The following ST3GAL3 variants were observed in gnomAD, a reference collection of about 807,000 sequenced individuals.
ST3GAL3 encodes the protein ST3 beta-galactoside alpha-2,3-sialyltransferase 3, also known as CMP-N-acetylneuraminate-beta-1,4-galactoside alpha-2,3-sialyltransferase.
In ST3GAL3, 21 loss-of-function variants were observed where a neutral mutation model predicts 50.1. That is an observed-to-expected ratio of 0.42 (90% CI 0.30 to 0.60). ST3GAL3 has a LOEUF of 0.60. ST3GAL3 is among the 20% of genes least tolerant of loss of function. The probability of loss-of-function intolerance (pLI) is 0.19; values close to 1 mark genes in which losing one functional copy is unlikely to be tolerated. For synonymous variants in ST3GAL3, 183 were observed against 190.0 expected, an observed-to-expected ratio of 0.96 and a Z score of 0.30; for missense variants, 353 against 489.4, an observed-to-expected ratio of 0.72 and a Z score of 2.63.
chr1:43,908,889 C>T (rs1281425937), intron 9 of ST3GAL3, among the ~76,000 whole-genome samples: 2 of 152,192 alleles, frequency 1.3e-5, no homozygotes, highest in African/African-American at 4.8e-5. Context: ...GCCTCAGCCT[C>T]CCAAAGTGCT....
At chr1:43,897,647 G>C (rs920616670) in intron 6 of ST3GAL3, among the ~76,000 whole-genome samples, 3 of 152,184 alleles carry the variant, frequency 2.0e-5, no homozygotes, top group Non-Finnish European at 4.4e-5. Flanking sequence ...GCAGAGCCAG[G>C]CTCAGGGAGT....
intron 1 of ST3GAL3, among the ~76,000 whole-genome samples, chr1:43,725,484 C>T (rs916112166): frequency 6.6e-6 from 1 of 152,032 alleles, no homozygotes; most frequent in Non-Finnish European, 1.5e-5. Flanking sequence ...CAGCATGAGC[C>T]GCTGCGCCTG....
At chr1:43,765,895 T>C (rs1339285204) in intron 2 of ST3GAL3, among the ~76,000 whole-genome samples, 2 of 150,416 alleles carry the variant, frequency 1.3e-5, no homozygotes, top group Non-Finnish European at 3.0e-5. Context: ...AAGCTCCTCT[T>C]TCCCTCAGCC....
rs116799825 is a variant in ST3GAL3 at position 43,853,846 on chromosome 1, C to T, written c.302+15535C>T. ...TGCAGAGCTCTCTGAGGCAGGAAGT[C>T]TAGAGAGTTAACACACAGTCCCAGC... On this transcript the variant is annotated intron_variant, in intron 5 of 11. Coordinates refer to ENST00000347631, the MANE Select transcript of ST3GAL3 (RefSeq NM_006279.5). 8.7e-3 allele frequency among the ~76,000 whole-genome samples: 1,318 copies of T among 152,232 alleles called. 27 individuals are homozygous for T. The highest frequency in any genetic ancestry group is 0.031 in the African/African-American group (1,287 of 41,534).
intron 9 of ST3GAL3, among the ~76,000 whole-genome samples, chr1:43,908,449 A>G (rs542857194): frequency 2.6e-5 from 4 of 152,104 alleles, no homozygotes; most frequent in Non-Finnish European, 5.9e-5. Context: ...TGGGGGCCTC[A>G]CCTTAGAGCT....
rs2084874993 is a variant in ST3GAL3, at chr1:43,930,471, A to G, written c.*250A>G. On this transcript the variant is annotated 3_prime_UTR_variant, in exon 12 of 12. Transcript: ENST00000347631. The stretch of plus-strand genomic sequence containing the variant: ...CCTGGCTGTGCCCAGCAGGCCCAGC[A>G]TGCAGGTGGTGGGACACTGGGCAGC... 5 of 584,400 alleles carry G rather than the reference A, an allele frequency of 8.6e-6. No homozygotes were observed. Among genetic ancestry groups the G allele is most frequent in the Non-Finnish European group, 1.5e-5 (5 of 326,128 alleles). The allele number at this position is 584,400 out of a possible 1,614,324, so 36.2% of individuals were successfully genotyped here. A position where few individuals can be genotyped will look rare whatever the true frequency, so the allele number is the denominator to read the frequency against.
At chr1:43,748,908 A>T (rs1684952345) in intron 2 of ST3GAL3, among the ~76,000 whole-genome samples, 1 of 152,224 alleles carries the variant, frequency 6.6e-6, no homozygotes. Flanking sequence ...TCTAAAATTT[A>T]TATGAAAACA....
At chr1:43,741,472 T>A (rs1197023055) in intron 2 of ST3GAL3, among the ~76,000 whole-genome samples, 1 of 152,236 alleles carries the variant, frequency 6.6e-6, no homozygotes, top group East Asian at 1.9e-4. Flanking sequence ...AAAGTACACA[T>A]TGTTGATCTG....
chr1:43,879,318 CT>C (rs749241072), intron 5 of ST3GAL3: 3 of 455,622 alleles, frequency 6.6e-6, no homozygotes, highest in Non-Finnish European at 1.3e-5. Flanking sequence ...TGTGGTTTGG[CT>C]TTTTTTTGGA....
chr1:43,801,229 AT>A, intron 3 of ST3GAL3: 1 of 455,656 alleles, frequency 2.2e-6, no homozygotes, highest in Non-Finnish European at 4.4e-6. Context: ...CATGGGCAAT[AT>A]TTGTGGTTGT....
intron 3 of ST3GAL3, among the ~76,000 whole-genome samples, chr1:43,802,309 G>C (rs576045663): frequency 6.6e-6 from 1 of 152,136 alleles, no homozygotes; most frequent in Non-Finnish European, 1.5e-5. Flanking sequence ...GATGTTTACA[G>C]CAGTTGAAAT....
At chr1:43,893,472 T>C (rs1379828868) in intron 5 of ST3GAL3, among the ~76,000 whole-genome samples, 2 of 152,218 alleles carry the variant, frequency 1.3e-5, no homozygotes, top group African/African-American at 4.8e-5. Context: ...CCATGTGAAG[T>C]TGTGCTCTCC....
At chr1:43,889,358 G>C (rs938473619) in intron 5 of ST3GAL3, among the ~76,000 whole-genome samples, 9 of 152,144 alleles carry the variant, frequency 5.9e-5, no homozygotes, top group African/African-American at 2.2e-4. Flanking sequence ...TATTTTGTTT[G>C]TGAATTTAAT....
intron 1 of ST3GAL3, among the ~76,000 whole-genome samples, chr1:43,709,904 C>T (rs771853356): frequency 4.6e-5 from 7 of 152,142 alleles, no homozygotes; most frequent in Non-Finnish European, 7.4e-5. Flanking sequence ...AGAATATATG[C>T]GTGAGCCACC....
chr1:43,918,254 A>G (rs1290731260), intron 9 of ST3GAL3, among the ~76,000 whole-genome samples: 2 of 151,050 alleles, frequency 1.3e-5, no homozygotes, highest in Admixed American at 6.6e-5. Context: ...ATGGCGTGAG[A>G]CTACAGGCAC....
intron 5 of ST3GAL3, among the ~76,000 whole-genome samples, chr1:43,854,918 G>A (rs2068049089): frequency 6.6e-6 from 1 of 152,102 alleles, no homozygotes; most frequent in Non-Finnish European, 1.5e-5. Flanking sequence ...CCTGAGCCCT[G>A]ATTCTCCAAC....
chr1:43,810,006 AAAAG>A lies in ST3GAL3; in HGVS notation c.167-4873_167-4870del, dbSNP rs1364601303. Among the ~76,000 whole-genome samples, 32 of 151,316 alleles carry A rather than the reference AAAAG, an allele frequency of 2.1e-4. No homozygotes were observed. In the South Asian group the frequency reaches 2.7e-3, roughly 13 times the overall value. ...AGACCCTGTCTCAAAAAAAAAAAAA[AAAAG>A]AAAGAAAGAAAAAAGAAAAGAAACA... On this transcript the variant is annotated intron_variant, in intron 3 of 11. Transcript: ENST00000347631.
Position 43,899,830 on chromosome 1 carries a change from C to A in ST3GAL3, c.744+103C>A. The A allele has an allele frequency of 8.4e-7, 1 of 1,191,880 alleles. No individual in the cohort carries two copies. The highest frequency in any genetic ancestry group is 1.2e-6 in the Non-Finnish European group (1 of 817,672). 73.8% of individuals were successfully genotyped at this position (1,191,880 alleles called of 1,614,324 possible). ...GCAGCAAAGAACGAGTAAGAACCTT[C>A]AAAGGAAACATTAATGACCCAAAGC... On this transcript the variant is annotated intron_variant, in intron 9 of 11. Coordinates refer to ENST00000347631, the MANE Select transcript of ST3GAL3 (RefSeq NM_006279.5). The surrounding 1 kb of genome is among the most constrained non-coding windows in gnomAD (Gnocchi z 5.4).
intron 4 of ST3GAL3, among the ~76,000 whole-genome samples, chr1:43,826,974 C>G (rs1247431948): frequency 6.6e-6 from 1 of 152,106 alleles, no homozygotes; most frequent in Non-Finnish European, 1.5e-5. Flanking sequence ...AAACCTATAG[C>G]TAACATCTTG....
Sources: gnomAD v4.1 joint callset for allele counts (sites outside exome capture counted in the v4.1 genomes callset) on GRCh38, gnomAD v4.1.1 for gene constraint, Gnocchi (gnomAD v3.1) non-coding constraint, MANE v1.5 for transcripts, NCBI Gene and HGNC (gene_info 2026-07-23, HGNC 2026-07-21) for gene names.